TGM2: variants seen among roughly 807,000 people sequenced by gnomAD.
TGM2 encodes the protein protein-glutamine gamma-glutamyltransferase 2.
A neutral mutation model predicts 75.6 loss-of-function variants in TGM2; 53 were observed. The observed-to-expected ratio is 0.70, with a 90% CI of 0.56 to 0.88. The LOEUF (loss-of-function observed/expected upper bound fraction) is 0.88, where lower values mean the gene tolerates loss of function less well. TGM2 is among the 40% of genes least tolerant of loss of function. The pLI, the probability that TGM2 is intolerant of heterozygous loss-of-function variation, is 0.00. For missense variants in TGM2, 842 were observed against 928.5 expected (o/e 0.91, Z 1.21); for synonymous variants, 374 against 381.1 (o/e 0.98, Z 0.22).
At chr20:38,146,646 C>T (rs1466129681) in intron 6 of TGM2, 71 bp downstream of exon 6, 2 of 1,584,472 alleles carry the variant, frequency 1.3e-6, no homozygotes, top group Non-Finnish European at 8.6e-7. Flanking sequence ...CAGGGATGTC[C>T]TGATTCCTAC....
rs553656134 is a variant in TGM2, at chr20:38,140,112, C to G, written c.1100-458G>C. ...GAGGACATCTGTCTCGTTTCCTGCT[C>G]ATACTGAGAGTGGAGCTCAGTGCCC... On this transcript the variant is annotated intron_variant, in intron 8 of 12. Transcript: ENST00000361475. 2.0e-5 allele frequency among the ~76,000 whole-genome samples: 3 copies of G among 152,376 alleles called. No individual in the cohort carries two copies. The South Asian group carries it at 6.2e-4, about 32-fold the overall frequency.
chr20:38,150,793 GTTTCAGGGCCTTTGCATCCC>G, intron 4 of TGM2, 126 bp downstream of exon 4: 2 of 778,274 alleles, frequency 2.6e-6, no homozygotes, highest in Non-Finnish European at 2.3e-6. Flanking sequence ...ACCTTCAGCT[GTTTCAGGGCCTTTGCATCCC>G]TGACAGCATG....
intron 10 of TGM2, chr20:38,137,876 C>T: frequency 5.6e-6 from 5 of 894,480 alleles, no homozygotes; most frequent in Non-Finnish European, 8.1e-6. Context: ...TACTTAACCT[C>T]TCTGTGCCTC....
intron 4 of TGM2, 70 bp from the exon 5 acceptor site, chr20:38,148,159 A>G: frequency 1.9e-6 from 3 of 1,598,928 alleles, no homozygotes; most frequent in Non-Finnish European, 2.6e-6. Context: ...CCTGCGTTGA[A>G]GCCTCCAGCA....
intron 9 of TGM2, 120 bp from the exon 10 acceptor site, chr20:38,138,505 C>T: frequency 6.4e-7 from 1 of 1,571,178 alleles, no homozygotes; most frequent in Non-Finnish European, 8.6e-7. Context: ...GAAGGAGCCC[C>T]TTCTCTACAT....
intron 10 of TGM2, among the ~76,000 whole-genome samples, chr20:38,135,120 G>A (rs540609220): frequency 2.6e-5 from 4 of 152,350 alleles, no homozygotes; most frequent in African/African-American, 9.6e-5. Context: ...ATGCCAGTGC[G>A]GAACAATGCT....
Position 38,147,419 on chromosome 20 carries a change from C to T in TGM2, c.682-525G>A, listed in dbSNP as rs1202020318. Among the ~76,000 whole-genome samples, 9 of 152,280 alleles carry T rather than the reference C, an allele frequency of 5.9e-5. No individual in the cohort carries two copies. In the East Asian group the frequency reaches 1.7e-3, roughly 29 times the overall value. On this transcript the variant is annotated intron_variant, in intron 5 of 12. Coordinates refer to ENST00000361475, the MANE Select transcript of TGM2 (RefSeq NM_004613.4). Reference sequence around the variant, plus strand: ...CTTCCTTCCTCAAACCTGCCAAAGTCGCTCCCTTCTCAGGGCCTTTGCACA... The same window carrying T: ...CTTCCTTCCTCAAACCTGCCAAAGTTGCTCCCTTCTCAGGGCCTTTGCACA...
At position 38,147,946 on chromosome 20, in the gene TGM2, A is replaced by G; in HGVS notation, c.681+15T>C. ...TGTAGGCCCCGCCCCTGGATGGGCC[A>G]TGCCACTCACTCACCATGCCACTCA... On this transcript the variant is annotated intron_variant, in intron 5 of 12. Coordinates refer to ENST00000361475, the MANE Select transcript of TGM2 (RefSeq NM_004613.4). 6.2e-7 allele frequency: 1 copy of G among 1,606,526 alleles called. No homozygotes were observed. The highest frequency in any genetic ancestry group is 8.5e-7 in the Non-Finnish European group (1 of 1,177,400).
In TGM2 at chr20:38,132,328, G is replaced by A. The variant is rs927426616; in HGVS notation, c.1776+12C>T. ...GCCCTGGGACCCTGCCCCTTGCCCA[G>A]CCTGCCCTTACCCGGATCTTGATTT... is the stretch of plus-strand genomic sequence containing the variant. On this transcript the variant is annotated intron_variant, in intron 11 of 12. Coordinates refer to ENST00000361475, the MANE Select transcript of TGM2 (RefSeq NM_004613.4). 6.2e-6 allele frequency: 10 copies of A among 1,613,926 alleles called. No homozygotes were observed. In the African/African-American group the frequency reaches 1.2e-4, roughly 19 times the overall value.
At chr20:38,130,779 G>T (rs192300751) in intron 12 of TGM2, among the ~76,000 whole-genome samples, 110 of 152,346 alleles carry the variant, frequency 7.2e-4, no homozygotes, top group African/African-American at 2.5e-3. Flanking sequence ...ATATGTGTGT[G>T]CATGCTCATG....
intron 10 of TGM2, 34 bp downstream of exon 10, chr20:38,138,079 G>T: frequency 6.4e-7 from 1 of 1,554,546 alleles, no homozygotes; most frequent in Non-Finnish European, 8.7e-7. Context: ...GTCAGTTGGC[G>T]GTCAACAAAT....
chr20:38,148,136 C>T (rs774607706), intron 4 of TGM2, 47 bp from the exon 5 acceptor site: 6 of 1,612,572 alleles, frequency 3.7e-6, no homozygotes, highest in Non-Finnish European at 5.1e-6. Flanking sequence ...GGGAAGGCAC[C>T]TCCTCCAGGA....
rs1255683377 is a variant in TGM2 at position 38,135,751 on chromosome 20, A to C, written c.1615+2362T>G. Among the ~76,000 whole-genome samples the C allele has an allele frequency of 3.3e-5, 5 of 152,056 alleles. No homozygotes were observed. The East Asian group carries it at 9.7e-4, about 29-fold the overall frequency. On this transcript the variant is annotated intron_variant, in intron 10 of 12. Coordinates refer to ENST00000361475, the MANE Select transcript of TGM2 (RefSeq NM_004613.4). Reference sequence around the variant, plus strand: ...GGCTGACACCACTGCCTGGGACAGAAGGTGTTCAGGAAAGGTCCCGGGCTT... The same window carrying C: ...GGCTGACACCACTGCCTGGGACAGACGGTGTTCAGGAAAGGTCCCGGGCTT...
At chr20:38,149,277 G>A (rs1367771031) in intron 4 of TGM2, among the ~76,000 whole-genome samples, 2 of 152,072 alleles carry the variant, frequency 1.3e-5, no homozygotes, top group African/African-American at 2.4e-5. Flanking sequence ...ATCCCCATAG[G>A]CTGTTATTCC....
intron 5 of TGM2, among the ~76,000 whole-genome samples, chr20:38,147,515 C>A (rs1262381427): frequency 1.3e-5 from 2 of 152,160 alleles, no homozygotes; most frequent in African/African-American, 4.8e-5. Context: ...CCTCCCTGAG[C>A]CTGGCCCTGC....
intron 4 of TGM2, among the ~76,000 whole-genome samples, chr20:38,149,678 CAAAAAAAAAA>C (rs1199376180): frequency 2.5e-5 from 1 of 40,464 alleles, no homozygotes; most frequent in African/African-American, 9.3e-5. Flanking sequence ...GACTCCGCCT[CAAAAAAAAAA>C]AAAAAAAAAA....
At chr20:38,135,787 C>T (rs1194725918) in intron 10 of TGM2, among the ~76,000 whole-genome samples, 1 of 152,126 alleles carries the variant, frequency 6.6e-6, no homozygotes, top group Non-Finnish European at 1.5e-5. Flanking sequence ...CTCGCCTCCC[C>T]ACGCCTCTTA....
chr20:38,152,366 G>A (rs1254259520), intron 3 of TGM2, among the ~76,000 whole-genome samples: 1 of 152,188 alleles, frequency 6.6e-6, no homozygotes, highest in East Asian at 1.9e-4. Context: ...AGTCTCTTGT[G>A]TATTCTGATC....
At chr20:38,131,015 T>C in intron 12 of TGM2, 78 bp downstream of exon 12, 1 of 1,597,162 alleles carries the variant, frequency 6.3e-7, no homozygotes, top group Non-Finnish European at 8.5e-7. Context: ...CAGGGCTTGG[T>C]ACCTAAGGAC....
Sources: gnomAD v4.1 joint callset for allele counts (sites outside exome capture counted in the v4.1 genomes callset) on GRCh38, gnomAD v4.1.1 for gene constraint, MANE v1.5 for transcripts, NCBI Gene and HGNC (gene_info 2026-07-23, HGNC 2026-07-21) for gene names.